The following DLGAP1 variants were observed in gnomAD, a reference collection of about 807,000 sequenced individuals.
DLGAP1 encodes DLG associated protein 1.
DLGAP1 carries 11 observed loss-of-function variants against 90.8 expected under a neutral mutation model. The ratio of observed to expected loss-of-function variants is 0.12; its 90% CI spans 0.08 to 0.20. The LOEUF is 0.20. Ranked by LOEUF, DLGAP1 falls within the 10% of genes least tolerant of loss-of-function variation. The probability of loss-of-function intolerance (pLI) is 1.00; values close to 1 mark genes in which losing one functional copy is unlikely to be tolerated. For synonymous variants in DLGAP1, 558 were observed against 540.7 expected, an observed-to-expected ratio of 1.03 and a Z score of -0.44; for missense variants, 1,050 against 1,333.8, an observed-to-expected ratio of 0.79 and a Z score of 3.31.
intron 1 of DLGAP1, among the ~76,000 whole-genome samples, chr18:4,333,947 C>G (rs1402258830): frequency 1.3e-5 from 2 of 150,992 alleles, no homozygotes; most frequent in African/African-American, 2.4e-5. Flanking sequence ...GATAAAAGAC[C>G]CACACCTCAG....
chr18:4,258,044 G>T (rs2078932159), intron 1 of DLGAP1, among the ~76,000 whole-genome samples: 1 of 149,936 alleles, frequency 6.7e-6, no homozygotes, highest in Non-Finnish European at 1.5e-5. Flanking sequence ...GTTGAATTCT[G>T]TCAGCAAAAA....
chr18:4,080,043 T>C (rs921689857), intron 2 of DLGAP1, among the ~76,000 whole-genome samples: 2 of 152,212 alleles, frequency 1.3e-5, no homozygotes, highest in Non-Finnish European at 2.9e-5. Context: ...GTGAAATTTC[T>C]GGGTTTCATC....
intron 1 of DLGAP1, among the ~76,000 whole-genome samples, chr18:4,158,676 A>T (rs1326089445): frequency 3.3e-5 from 5 of 152,148 alleles, no homozygotes; most frequent in African/African-American, 9.7e-5. Context: ...ATTCAAATTA[A>T]TCCTTCTCAG....
chr18:3,656,055 T>A, intron 7 of DLGAP1: 1 of 1,536,526 alleles, frequency 6.5e-7, no homozygotes, highest in Non-Finnish European at 8.8e-7. Flanking sequence ...AAGCAAAACA[T>A]TATTGATTTT....
intron 1 of DLGAP1, among the ~76,000 whole-genome samples, chr18:4,313,237 A>G (rs2080444997): frequency 6.6e-6 from 1 of 152,198 alleles, no homozygotes. Flanking sequence ...GGAATTTTAT[A>G]GTAGGTGAGA....
intron 1 of DLGAP1, among the ~76,000 whole-genome samples, chr18:4,368,658 C>T (rs1004843118): frequency 1.3e-5 from 2 of 150,434 alleles, no homozygotes; most frequent in African/African-American, 4.9e-5. Flanking sequence ...CACACACACA[C>T]ACACACACAC....
chr18:4,300,359 G>A (rs576413699), intron 1 of DLGAP1, among the ~76,000 whole-genome samples: 3 of 152,156 alleles, frequency 2.0e-5, no homozygotes, highest in African/African-American at 7.2e-5. Context: ...TAAAATGTTT[G>A]AATCTCTAGT....
intron 1 of DLGAP1, among the ~76,000 whole-genome samples, chr18:4,305,317 C>G (rs751294579): frequency 5.1e-4 from 77 of 152,048 alleles, no homozygotes; most frequent in Non-Finnish European, 9.6e-4. Flanking sequence ...GGTGGATCAC[C>G]TGAGGTTGGG....
chr18:4,159,806 G>A (rs1268101779), intron 1 of DLGAP1, among the ~76,000 whole-genome samples: 1 of 152,176 alleles, frequency 6.6e-6, no homozygotes, highest in Non-Finnish European at 1.5e-5. Flanking sequence ...AAAATAGGTA[G>A]TGCTAGTTGG....
intron 3 of DLGAP1, among the ~76,000 whole-genome samples, chr18:3,964,135 C>A (rs906518203): frequency 4.6e-5 from 7 of 152,052 alleles, no homozygotes; most frequent in Admixed American, 2.0e-4. Flanking sequence ...TACACACTCC[C>A]TATTTATTCT....
chr18:4,064,498 A>T (rs1296147568), intron 2 of DLGAP1, among the ~76,000 whole-genome samples: 2 of 152,136 alleles, frequency 1.3e-5, no homozygotes, highest in Non-Finnish European at 2.9e-5. Context: ...ACAATCAGAA[A>T]TGATAAGGGG....
intron 1 of DLGAP1, among the ~76,000 whole-genome samples, chr18:4,290,778 G>A (rs1426482801): frequency 6.6e-6 from 1 of 152,094 alleles, no homozygotes; most frequent in Non-Finnish European, 1.5e-5. Context: ...ATTGAAAAGG[G>A]AGGGAAAATG....
chr18:3,836,749 G>A (rs949272511), intron 4 of DLGAP1, among the ~76,000 whole-genome samples: 4 of 152,206 alleles, frequency 2.6e-5, no homozygotes, highest in African/African-American at 9.7e-5. Flanking sequence ...ACCTCTCAGA[G>A]GTAGCCTAAG....
At chr18:3,884,431 G>T (rs2071256904) in intron 3 of DLGAP1, among the ~76,000 whole-genome samples, 1 of 152,000 alleles carries the variant, frequency 6.6e-6, no homozygotes, top group Non-Finnish European at 1.5e-5. Flanking sequence ...TTGAATCTTG[G>T]GTAGATATTT....
intron 1 of DLGAP1, among the ~76,000 whole-genome samples, chr18:4,251,852 C>G (rs148706093): frequency 1.1e-4 from 17 of 152,336 alleles, no homozygotes; most frequent in South Asian, 2.1e-4. Context: ...ACTTCTTTAT[C>G]TATTTCTAAG....
At chr18:3,630,106 T>C (rs180843225) in intron 7 of DLGAP1, among the ~76,000 whole-genome samples, 1 of 152,300 alleles carries the variant, frequency 6.6e-6, no homozygotes, top group East Asian at 1.9e-4. Context: ...TCTGTGTGTG[T>C]CTGTGATGGT....
intron 2 of DLGAP1, among the ~76,000 whole-genome samples, chr18:4,057,342 C>T (rs1333302010): frequency 2.0e-5 from 3 of 152,142 alleles, no homozygotes; most frequent in Admixed American, 2.0e-4. Flanking sequence ...GGTATATGAC[C>T]TTGTAGGAAC....
chr18:3,980,210 G>A (rs2073695674), intron 3 of DLGAP1, among the ~76,000 whole-genome samples: 1 of 152,160 alleles, frequency 6.6e-6, no homozygotes, highest in African/African-American at 2.4e-5. Flanking sequence ...TAGAGATGGT[G>A]AGGAAGGAGA....
chr18:4,203,603 G>A (rs2077655124), intron 1 of DLGAP1, among the ~76,000 whole-genome samples: 1 of 152,100 alleles, frequency 6.6e-6, no homozygotes. Context: ...AAAACTTCCT[G>A]AGAACATGCT....
Sources: allele counts gnomAD v4.1 joint callset (sites outside exome capture counted in the v4.1 genomes callset), GRCh38; gene constraint gnomAD v4.1.1; transcripts MANE v1.5; gene names NCBI Gene and HGNC (gene_info 2026-07-23, HGNC 2026-07-21).